Variants in FAAH2 observed in about 807,000 individuals in gnomAD.
The protein encoded by FAAH2 is fatty-acid amide hydrolase 2.
FAAH2 carries 60 observed loss-of-function variants against 36.9 expected under a neutral mutation model. The observed-to-expected ratio is 1.63, with a 90% confidence interval of 1.32 to 2.02. The LOEUF (loss-of-function observed/expected upper bound fraction) is 2.02. Ranked by LOEUF, FAAH2 falls within the 30% of genes most tolerant of loss-of-function variation. The probability of loss-of-function intolerance (pLI) is 0.00; values close to 1 mark genes in which losing one functional copy is unlikely to be tolerated. For synonymous variants in FAAH2, 214 were observed against 143.8 expected, an observed-to-expected ratio of 1.49 and a Z score of -3.49; for missense variants, 689 against 397.5, an observed-to-expected ratio of 1.73 and a Z score of -6.23.
the FAAH2 span, among the ~76,000 whole-genome samples, chrX:57,200,294 A>T: frequency 9.1e-6 from 1 of 110,232 alleles, no homozygotes; most frequent in African/African-American, 3.3e-5. Context: ...AATGTCTTAT[A>T]ATCCATTAAC....
rs942989380 is a variant in FAAH2 at position 57,466,318 on chromosome X, A to T, written c.1423+17600A>T. On this transcript the variant is annotated intron_variant, in intron 10 of 10. Coordinates refer to ENST00000374900, the MANE Select transcript of FAAH2 (RefSeq NM_174912.4). Reference sequence around the variant, plus strand: ...AGAGTTAAGATGGCTGTTTTAATCCATAAATCAGTCACTAAAAATACCTCA... The same window carrying T: ...AGAGTTAAGATGGCTGTTTTAATCCTTAAATCAGTCACTAAAAATACCTCA... Among the ~76,000 whole-genome samples the T allele has an allele frequency of 7.5e-4, 80 of 107,197 alleles. 1 individual carries two copies. The highest frequency in any genetic ancestry group is 2.6e-3 in the African/African-American group (77 of 29,672). 93.1% of individuals were successfully genotyped at this position (107,197 alleles called of 115,157 possible).
At chrX:57,314,201 A>G (rs1289400845) in intron 3 of FAAH2, among the ~76,000 whole-genome samples, 1 of 112,040 alleles carries the variant, frequency 8.9e-6, no homozygotes, top group African/African-American at 3.2e-5. Context: ...CATCTTAAAT[A>G]TGTATGCACC....
intron 10 of FAAH2, among the ~76,000 whole-genome samples, chrX:57,463,668 G>A (rs755619544): frequency 8.9e-6 from 1 of 111,781 alleles, no homozygotes; most frequent in African/African-American, 3.3e-5. Context: ...ATCATCACTG[G>A]TCATTAGAGA....
chrX:57,435,716 A>T (rs1422045575), intron 8 of FAAH2, among the ~76,000 whole-genome samples: 1 of 111,256 alleles, frequency 9.0e-6, no homozygotes, highest in Non-Finnish European at 1.9e-5. Flanking sequence ...CTACATCTAA[A>T]GAGAGAGGTG....
intron 5 of FAAH2, among the ~76,000 whole-genome samples, chrX:57,351,083 A>T (rs1051422040): frequency 1.4e-4 from 16 of 111,611 alleles, no homozygotes; most frequent in African/African-American, 4.8e-4. Context: ...GAACCACAGG[A>T]TAGGCCACAA....
chrX:57,310,469 C>A, intron 2 of FAAH2, 124 bp from the exon 3 acceptor site: 3 of 789,104 alleles, frequency 3.8e-6, no homozygotes, highest in African/African-American at 2.1e-5. Context: ...TTATAAGGCT[C>A]TTGACAAGTA....
rs779374316 is a variant in FAAH2 at position 57,380,903 on chromosome X, C to T, written c.879-9C>T. The T allele has an allele frequency of 8.3e-6, 9 of 1,090,023 alleles. No individual in the cohort carries two copies. The African/African-American group carries it at 1.1e-4, about 14-fold the overall frequency. 89.8% of individuals were successfully genotyped at this position (1,090,023 alleles called of 1,213,427 possible). On this transcript the variant is annotated splice_polypyrimidine_tract_variant and intron_variant, in intron 6 of 10. Coordinates refer to ENST00000374900, the MANE Select transcript of FAAH2 (RefSeq NM_174912.4). ...TTGTTGATGTCAGTTTCTTTTTAAT[C>T]CTACACAGGTTAAAACTAGACACAA...
At chrX:57,483,630 G>C (rs1195696053) in intron 10 of FAAH2, among the ~76,000 whole-genome samples, 1 of 109,946 alleles carries the variant, frequency 9.1e-6, no homozygotes, top group Non-Finnish European at 1.9e-5. Context: ...CTCATCTGGA[G>C]GTATTGTCAC....
chrX:57,302,126 G>A (rs930384039), intron 2 of FAAH2, among the ~76,000 whole-genome samples: 2 of 111,418 alleles, frequency 1.8e-5, no homozygotes, highest in Non-Finnish European at 3.8e-5. Flanking sequence ...ATAGAAAATG[G>A]TCACGGCAAA....
chrX:57,241,524 T>C, the FAAH2 span, among the ~76,000 whole-genome samples: 1 of 112,253 alleles, frequency 8.9e-6, no homozygotes, highest in Non-Finnish European at 1.9e-5. Context: ...AATAGCTACC[T>C]TTATTTGTAA....
intron 3 of FAAH2, among the ~76,000 whole-genome samples, chrX:57,318,382 T>C (rs1002325420): frequency 1.8e-5 from 2 of 111,824 alleles, no homozygotes; most frequent in Non-Finnish European, 3.8e-5. Context: ...AGAATACTTA[T>C]AAACACCTTT....
chrX:57,164,346 A>G, the FAAH2 span, among the ~76,000 whole-genome samples: 6 of 112,259 alleles, frequency 5.3e-5, no homozygotes, highest in African/African-American at 1.9e-4. Context: ...AAAAAGGTAC[A>G]TAGATTAGGA....
chrX:57,219,317 G>C, the FAAH2 span, among the ~76,000 whole-genome samples: 2 of 111,405 alleles, frequency 1.8e-5, no homozygotes, highest in African/African-American at 6.5e-5. Context: ...ACTGTTACAA[G>C]AACCTTATAT....
At chrX:57,296,270 C>G (rs1447825945) in intron 2 of FAAH2, among the ~76,000 whole-genome samples, 2 of 111,065 alleles carry the variant, frequency 1.8e-5, no homozygotes, top group Non-Finnish European at 1.9e-5. Flanking sequence ...GAGGAACGAT[C>G]AGGCAGCAGC....
chrX:57,426,573 A>C (rs1052517589), intron 7 of FAAH2, among the ~76,000 whole-genome samples: 2 of 112,130 alleles, frequency 1.8e-5, no homozygotes, highest in Admixed American at 9.5e-5. Flanking sequence ...CAGTGGAATA[A>C]AACTAGAAAT....
At chrX:57,362,782 G>A (rs183385173) in intron 5 of FAAH2, among the ~76,000 whole-genome samples, 12 of 112,010 alleles carry the variant, frequency 1.1e-4, no homozygotes, top group Admixed American at 1.0e-3. Context: ...ATGGTGAAAT[G>A]TATTTTGCAC....
intron 5 of FAAH2, among the ~76,000 whole-genome samples, chrX:57,359,987 A>G (rs1350618130): frequency 9.5e-6 from 1 of 105,647 alleles, no homozygotes; most frequent in Non-Finnish European, 1.9e-5. Context: ...TTTTTTTCTC[A>G]GCCCTTTGAA....
At chrX:57,329,428 C>T (rs2053330599) in intron 3 of FAAH2, among the ~76,000 whole-genome samples, 1 of 110,668 alleles carries the variant, frequency 9.0e-6, no homozygotes, top group African/African-American at 3.3e-5. Context: ...TTTTGCATGC[C>T]TAGTTTCTGC....
chrX:57,397,759 T>A (rs772339635), intron 7 of FAAH2, among the ~76,000 whole-genome samples: 74 of 110,050 alleles, frequency 6.7e-4, no homozygotes, highest in Non-Finnish European at 9.7e-4. Context: ...AATGTGCAGG[T>A]TTGTTACATA....
Sources: allele counts gnomAD v4.1 joint callset (sites outside exome capture counted in the v4.1 genomes callset), GRCh38; gene constraint gnomAD v4.1.1; transcripts MANE v1.5; gene names NCBI Gene and HGNC (gene_info 2026-07-23, HGNC 2026-07-21).